The following LMBRD1 variants were observed in gnomAD, a reference collection of about 807,000 sequenced individuals.
LMBRD1 encodes lysosomal cobalamin transport escort protein LMBD1.
Under a neutral mutation model 74.8 loss-of-function variants are expected in LMBRD1, and 64 were observed. That is an observed-to-expected ratio of 0.86 (90% CI 0.70 to 1.05). The LOEUF is 1.05. Among genes scored for constraint, LMBRD1 ranks in the 50% least tolerant of loss-of-function variants. LMBRD1 has a pLI of 0.00. For synonymous variants in LMBRD1, 204 were observed against 216.3 expected, an observed-to-expected ratio of 0.94 and a Z score of 0.50; for missense variants, 652 against 645.9, an observed-to-expected ratio of 1.01 and a Z score of -0.10.
intron 5 of LMBRD1, chr6:69,745,971 T>G (rs1464591583): frequency 4.2e-6 from 1 of 237,144 alleles, no homozygotes; most frequent in Non-Finnish European, 8.5e-6. Context: ...TTGCCATCAC[T>G]GACCCTTCAG....
At chr6:69,712,179 G>C (rs1002847184) in intron 9 of LMBRD1, among the ~76,000 whole-genome samples, 1 of 152,084 alleles carries the variant, frequency 6.6e-6, no homozygotes, top group African/African-American at 2.4e-5. Flanking sequence ...TGTTTGAAAT[G>C]CTTCCAGATA....
intron 3 of LMBRD1, among the ~76,000 whole-genome samples, chr6:69,768,623 G>GA (rs1013132990): frequency 3.3e-5 from 5 of 151,812 alleles, no homozygotes; most frequent in Non-Finnish European, 7.4e-5. Context: ...AAGAAAAGGA[G>GA]AAAAAATATA....
At chr6:69,684,823 G>A (rs1765730550) in intron 14 of LMBRD1, among the ~76,000 whole-genome samples, 1 of 152,178 alleles carries the variant, frequency 6.6e-6, no homozygotes, top group East Asian at 1.9e-4. Flanking sequence ...AAGTTTTCAG[G>A]TCAATACAAT....
intron 14 of LMBRD1, among the ~76,000 whole-genome samples, chr6:69,692,544 T>C (rs1407768942): frequency 6.6e-6 from 1 of 152,164 alleles, no homozygotes; most frequent in Non-Finnish European, 1.5e-5. Flanking sequence ...TCTCCAAATA[T>C]TCAATAGTGT....
At chr6:69,696,040 C>T (rs1023923614) in intron 14 of LMBRD1, among the ~76,000 whole-genome samples, 22 of 152,126 alleles carry the variant, frequency 1.4e-4, no homozygotes, top group African/African-American at 4.8e-4. Flanking sequence ...GACAAAGTTT[C>T]GCCATGTTGG....
intron 9 of LMBRD1, among the ~76,000 whole-genome samples, chr6:69,709,201 T>C (rs764557111): frequency 6.6e-6 from 1 of 150,874 alleles, no homozygotes; most frequent in Non-Finnish European, 1.5e-5. Flanking sequence ...GCCATTGGAC[T>C]CCAGCCTGGG....
chr6:69,702,972 T>C (rs1766165759), intron 9 of LMBRD1, among the ~76,000 whole-genome samples: 2 of 152,090 alleles, frequency 1.3e-5, no homozygotes, highest in African/African-American at 4.8e-5. Flanking sequence ...GAAGTAATTT[T>C]GGACCTGTGC....
intron 7 of LMBRD1, among the ~76,000 whole-genome samples, chr6:69,736,852 C>G (rs1376908996): frequency 6.6e-6 from 1 of 152,138 alleles, no homozygotes; most frequent in African/African-American, 2.4e-5. Context: ...CTTGTGACTA[C>G]TTCTTAAAAG....
intron 2 of LMBRD1, among the ~76,000 whole-genome samples, chr6:69,784,828 C>A (rs1291684083): frequency 1.3e-5 from 2 of 152,142 alleles, no homozygotes; most frequent in African/African-American, 4.8e-5. Context: ...TACCTTCTCT[C>A]CCCTCAAAAA....
At chr6:69,765,846 T>A (rs1178727630) in intron 3 of LMBRD1, among the ~76,000 whole-genome samples, 1 of 152,092 alleles carries the variant, frequency 6.6e-6, no homozygotes, top group Non-Finnish European at 1.5e-5. Context: ...TTTTGTTAAA[T>A]GTGAAGTACT....
intron 2 of LMBRD1, among the ~76,000 whole-genome samples, chr6:69,784,796 C>T (rs1405535736): frequency 6.6e-6 from 1 of 152,204 alleles, no homozygotes; most frequent in Non-Finnish European, 1.5e-5. Context: ...ACTCACCCTT[C>T]TGGAGGAAAC....
chr6:69,687,171 T>C (rs969633856), intron 14 of LMBRD1, among the ~76,000 whole-genome samples: 1 of 152,206 alleles, frequency 6.6e-6, no homozygotes, highest in Admixed American at 6.5e-5. Context: ...TCCTGCTGTG[T>C]ACTTGCTGTT....
chr6:69,729,181 A>C, intron 7 of LMBRD1, among the ~76,000 whole-genome samples: 1 of 146,812 alleles, frequency 6.8e-6, no homozygotes, highest in African/African-American at 2.5e-5. Flanking sequence ...TCCAACATAC[A>C]CATTTTATTC....
At chr6:69,771,238 T>C (rs544653999) in intron 3 of LMBRD1, among the ~76,000 whole-genome samples, 1 of 152,322 alleles carries the variant, frequency 6.6e-6, no homozygotes, top group African/African-American at 2.4e-5. Flanking sequence ...AAGGCTTGAC[T>C]GGGGAAGAAC....
chr6:69,780,552 G>T lies in LMBRD1; in HGVS notation c.249C>A (p.Asp83Glu). ...YMKNQNGTFK[D>E]WANANVSRQI... ...GTCTGCTGACATTAGCATTAGCCCA[G>T]TCCTAGGATAAAAGGAAACAATAGA... The change falls in exon 3 of 16, where the codon GAC becomes GAA. Residue 83 changes from aspartate (D) to glutamate (E), a missense_variant and splice_region_variant. Transcript: ENST00000649934. 1 of 1,604,248 alleles carries T rather than the reference G, an allele frequency of 6.2e-7. No homozygotes were observed. The highest frequency in any genetic ancestry group is 8.5e-7 in the Non-Finnish European group (1 of 1,171,554).
intron 7 of LMBRD1, among the ~76,000 whole-genome samples, chr6:69,731,558 G>A (rs1766858680): frequency 6.6e-6 from 1 of 151,992 alleles, no homozygotes; most frequent in Admixed American, 6.6e-5. Context: ...CAGTACAGTA[G>A]TCAATAAATT....
At chr6:69,745,655 T>G (rs1213408728) in intron 5 of LMBRD1, among the ~76,000 whole-genome samples, 2 of 152,190 alleles carry the variant, frequency 1.3e-5, no homozygotes, top group Non-Finnish European at 2.9e-5. Flanking sequence ...AAACATCATA[T>G]TACCCTTCCT....
chr6:69,725,796 T>C (rs1373099585), intron 7 of LMBRD1, among the ~76,000 whole-genome samples: 1 of 152,166 alleles, frequency 6.6e-6, no homozygotes, highest in Non-Finnish European at 1.5e-5. Flanking sequence ...CAAGAAAACA[T>C]TGGAGAAATT....
intron 14 of LMBRD1, among the ~76,000 whole-genome samples, chr6:69,683,669 T>C (rs1349237796): frequency 6.6e-6 from 1 of 150,962 alleles, no homozygotes; most frequent in African/African-American, 2.5e-5. Context: ...TTTTAACCTG[T>C]TGAAAACATA....
Sources: allele counts gnomAD v4.1 joint callset (sites outside exome capture counted in the v4.1 genomes callset), GRCh38; gene constraint gnomAD v4.1.1; transcripts MANE v1.5; gene names NCBI Gene and HGNC (gene_info 2026-07-23, HGNC 2026-07-21).